The following WDR70 variants were observed in gnomAD, a reference collection of about 807,000 sequenced individuals.
WDR70 encodes WD repeat domain 70.
WDR70 carries 53 observed loss-of-function variants against 88.6 expected under a neutral mutation model. The observed-to-expected ratio is 0.60, with a 90% CI of 0.48 to 0.75. The LOEUF (loss-of-function observed/expected upper bound fraction) is 0.75, where lower values mean the gene tolerates loss of function less well. Among genes scored for constraint, WDR70 ranks in the 30% least tolerant of loss-of-function variants. The pLI is 0.00. For missense variants in WDR70, 610 were observed against 823.2 expected, an observed-to-expected ratio of 0.74 and a Z score of 3.17; for synonymous variants, 280 against 270.0, an observed-to-expected ratio of 1.04 and a Z score of -0.36.
chr5:37,744,652 A>C (rs1748588355), intron 17 of WDR70, among the ~76,000 whole-genome samples: 1 of 151,886 alleles, frequency 6.6e-6, no homozygotes, highest in Non-Finnish European at 1.5e-5. Flanking sequence ...AAGTATCAAC[A>C]GCCAAATCAA....
At chr5:37,695,793 T>G (rs1407485958) in intron 10 of WDR70, among the ~76,000 whole-genome samples, 1 of 152,172 alleles carries the variant, frequency 6.6e-6, no homozygotes, top group Non-Finnish European at 1.5e-5. Flanking sequence ...TAATTACACC[T>G]GCCAAGTTCC....
intron 9 of WDR70, among the ~76,000 whole-genome samples, chr5:37,531,039 T>C (rs190904174): frequency 1.3e-5 from 2 of 152,276 alleles, no homozygotes; most frequent in East Asian, 1.9e-4. Context: ...CCATCTTGAT[T>C]TCATTGTTGA....
At chr5:37,589,183 G>A (rs1743452246) in intron 9 of WDR70, among the ~76,000 whole-genome samples, 1 of 151,270 alleles carries the variant, frequency 6.6e-6, no homozygotes, top group Admixed American at 6.6e-5. Context: ...GTGAACCACT[G>A]TGCCCAGCTG....
intron 8 of WDR70, among the ~76,000 whole-genome samples, chr5:37,494,116 G>A (rs915734872): frequency 3.3e-5 from 5 of 152,324 alleles, no homozygotes; most frequent in Admixed American, 2.6e-4. Flanking sequence ...ACCACGTCTG[G>A]CTGGAGTACT....
At chr5:37,408,180 A>T (rs184901839) in intron 5 of WDR70, among the ~76,000 whole-genome samples, 191 of 152,230 alleles carry the variant, frequency 1.3e-3, no homozygotes, top group African/African-American at 4.3e-3. Flanking sequence ...GTAAGAAGGT[A>T]GAGGGACAAG....
In WDR70 at chr5:37,726,704, C is replaced by T. The variant is rs1344696393; in HGVS notation, c.1715-179C>T. Among the ~76,000 whole-genome samples, 3 of 152,096 alleles carry T rather than the reference C, an allele frequency of 2.0e-5. 1 individual carries two copies. Among genetic ancestry groups the T allele is most frequent in the Non-Finnish European group, 4.4e-5 (3 of 68,018 alleles). ...AAAAATCTCTTCCTATTTAAAAGTG[C>T]TATCGGGAAGTTGAGGTTTGGTGAT... On this transcript the variant is annotated intron_variant, in intron 16 of 17. Coordinates refer to ENST00000265107, the MANE Select transcript of WDR70 (RefSeq NM_018034.4).
At chr5:37,726,390 T>C (rs1747970661) in intron 16 of WDR70, among the ~76,000 whole-genome samples, 1 of 152,150 alleles carries the variant, frequency 6.6e-6, no homozygotes, top group African/African-American at 2.4e-5. Context: ...CTTAAAGAGG[T>C]TCCTATTTCA....
chr5:37,424,246 A>G (rs1034145474), intron 5 of WDR70, among the ~76,000 whole-genome samples: 2 of 150,528 alleles, frequency 1.3e-5, no homozygotes, highest in Admixed American at 6.7e-5. Context: ...GTGTTCTTAC[A>G]GATGTCTCTG....
intron 3 of WDR70, among the ~76,000 whole-genome samples, chr5:37,388,674 AG>A (rs1748707670): frequency 6.6e-6 from 1 of 150,578 alleles, no homozygotes; most frequent in Non-Finnish European, 1.5e-5. Context: ...TAGGAGGTGA[AG>A]GTTGCAGTGA....
intron 17 of WDR70, among the ~76,000 whole-genome samples, chr5:37,736,539 A>G (rs1748308755): frequency 6.6e-6 from 1 of 151,794 alleles, no homozygotes; most frequent in African/African-American, 2.4e-5. Context: ...GTCACTCTCC[A>G]CTGTATTCCT....
At chr5:37,660,817 C>A (rs1486500002) in intron 10 of WDR70, among the ~76,000 whole-genome samples, 2 of 152,092 alleles carry the variant, frequency 1.3e-5, no homozygotes, top group Non-Finnish European at 2.9e-5. Flanking sequence ...AACATATATT[C>A]AGGTTCTGCA....
chr5:37,567,696 TA>T (rs1385105218), intron 9 of WDR70, among the ~76,000 whole-genome samples: 1 of 150,560 alleles, frequency 6.6e-6, no homozygotes, highest in East Asian at 2.0e-4. Flanking sequence ...GTAGTCATCA[TA>T]AAAAAAAGGG....
chr5:37,564,522 A>T (rs1742674492), intron 9 of WDR70, among the ~76,000 whole-genome samples: 1 of 140,794 alleles, frequency 7.1e-6, no homozygotes, highest in African/African-American at 2.5e-5. Context: ...CCGTGGAAAG[A>T]GAGGGAGAGG....
At chr5:37,518,503 C>T (rs981285834) in intron 9 of WDR70, among the ~76,000 whole-genome samples, 1 of 152,058 alleles carries the variant, frequency 6.6e-6, no homozygotes, top group Non-Finnish European at 1.5e-5. Context: ...TGATCTCCAG[C>T]TCCATTAATG....
intron 9 of WDR70, among the ~76,000 whole-genome samples, chr5:37,551,539 C>G (rs942326892): frequency 5.9e-5 from 9 of 151,844 alleles, no homozygotes; most frequent in African/African-American, 2.2e-4. Flanking sequence ...ACCAGCCTTG[C>G]CAACATGGTG....
intron 7 of WDR70, among the ~76,000 whole-genome samples, chr5:37,448,234 C>A (rs1738560987): frequency 6.6e-6 from 1 of 152,124 alleles, no homozygotes; most frequent in South Asian, 2.1e-4. Flanking sequence ...TCCTTGATTG[C>A]TGTATAATTT....
intron 13 of WDR70, among the ~76,000 whole-genome samples, chr5:37,711,391 A>G (rs886220909): frequency 6.6e-6 from 1 of 152,136 alleles, no homozygotes; most frequent in African/African-American, 2.4e-5. Context: ...AGATTTTACA[A>G]CTTCCCTAAA....
At chr5:37,489,901 C>T (rs903502835) in intron 8 of WDR70, among the ~76,000 whole-genome samples, 3 of 151,994 alleles carry the variant, frequency 2.0e-5, no homozygotes, top group East Asian at 1.9e-4. Context: ...CCCACTAACT[C>T]GTCATCTAGC....
chr5:37,453,664 T>C (rs1245603494), intron 7 of WDR70, among the ~76,000 whole-genome samples: 1 of 152,252 alleles, frequency 6.6e-6, no homozygotes. Context: ...TTGGGGGGCC[T>C]GTTCCCAACA....
Sources: allele counts gnomAD v4.1 joint callset (sites outside exome capture counted in the v4.1 genomes callset), GRCh38; gene constraint gnomAD v4.1.1; transcripts MANE v1.5; gene names NCBI Gene and HGNC (gene_info 2026-07-23, HGNC 2026-07-21).